The following CCDC146 variants were observed in gnomAD, a reference collection of about 807,000 sequenced individuals.
The protein encoded by CCDC146 is coiled-coil domain-containing protein 146.
Under a neutral mutation model 119.3 loss-of-function variants are expected in CCDC146, and 92 were observed. That is an observed-to-expected ratio of 0.77 (90% confidence interval 0.65 to 0.92). CCDC146 has a LOEUF of 0.92. Ranked by LOEUF, CCDC146 falls within the 40% of genes least tolerant of loss-of-function variation. The pLI is 0.00. For missense variants in CCDC146, 1,000 were observed against 1,103.0 expected (o/e 0.91, Z 1.32); for synonymous variants, 372 against 371.8 (o/e 1.00, Z -0.01).
chr7:77,256,437 A>G lies in CCDC146; in HGVS notation c.612A>G (p.Ala204=), dbSNP rs1793179788. The change falls in exon 6 of 19, where the codon GCA becomes GCG. Residue 204 remains alanine, a synonymous_variant. Coordinates refer to ENST00000285871, the MANE Select transcript of CCDC146 (RefSeq NM_020879.3). The stretch of plus-strand genomic sequence containing the variant: ...TTAAAAATTTACGAGAAGATTTGGC[A>G]TCTAAACAAAAGCAATTATTAAAAG... The part of the protein sequence containing the change: ...LEIKNLREDL[A]SKQKQLLKEQ... 4 of 1,609,708 alleles carry G rather than the reference A, an allele frequency of 2.5e-6. No individual in the cohort carries two copies. Among genetic ancestry groups the G allele is most frequent in the African/African-American group, 1.3e-5 (1 of 74,620 alleles).
At chr7:77,236,242 A>T (rs918317820) in intron 2 of CCDC146, among the ~76,000 whole-genome samples, 2 of 152,220 alleles carry the variant, frequency 1.3e-5, no homozygotes, top group African/African-American at 4.8e-5. Context: ...ATGTTTTATG[A>T]TGTCTGTTAA....
chr7:77,279,888 A>G (rs1281525265), intron 13 of CCDC146, among the ~76,000 whole-genome samples: 1 of 152,234 alleles, frequency 6.6e-6, no homozygotes, highest in Non-Finnish European at 1.5e-5. Context: ...TCTGATGGCC[A>G]TTATTGCCCA....
chr7:77,275,100 C>T (rs920816784), intron 11 of CCDC146, among the ~76,000 whole-genome samples: 19 of 150,616 alleles, frequency 1.3e-4, no homozygotes, highest in Admixed American at 2.0e-4. Flanking sequence ...ACAATTGACC[C>T]TTGAACAACA....
intron 1 of CCDC146, among the ~76,000 whole-genome samples, chr7:77,129,177 CATG>C (rs1410299491): frequency 1.3e-5 from 2 of 152,110 alleles, no homozygotes; most frequent in Non-Finnish European, 2.9e-5. Flanking sequence ...GTTCTGAGAA[CATG>C]ATGAAATCTT....
At chr7:77,207,654 T>G (rs1039003649) in intron 2 of CCDC146, among the ~76,000 whole-genome samples, 1 of 152,182 alleles carries the variant, frequency 6.6e-6, no homozygotes, top group Non-Finnish European at 1.5e-5. Context: ...GTGGTAGTCA[T>G]TGAATATATG....
chr7:77,258,591 G>A (rs1193315763), intron 6 of CCDC146, among the ~76,000 whole-genome samples: 2 of 152,236 alleles, frequency 1.3e-5, no homozygotes, highest in Non-Finnish European at 2.9e-5. Flanking sequence ...TAGGTGAACT[G>A]TAGACTAATA....
chr7:77,262,094 T>TTGTTATCTTCCTCTTCCTTTGTTA, intron 8 of CCDC146, 27 bp from the exon 9 acceptor site: 1 of 1,531,184 alleles, frequency 6.5e-7, no homozygotes, highest in South Asian at 1.3e-5. Context: ...CAAAATCATT[T>TTGTTATCTTCCTCTTCCTTTGTTA]TCTTCTTCTT....
intron 11 of CCDC146, among the ~76,000 whole-genome samples, chr7:77,275,090 A>G (rs1218778864): frequency 1.5e-5 from 2 of 131,852 alleles, no homozygotes; most frequent in African/African-American, 5.7e-5. Flanking sequence ...GAAAAGCTAT[A>G]CAATTGACCC....
Position 77,241,901 on chromosome 7 carries a change from G to GT in CCDC146, c.449+2dup. ...TCCATAATCAGTACAGATTAAATAG[G>GT]TAAGTGCACAGTTCTCTCCGGCACA... On this transcript the variant is annotated splice_donor_variant, in intron 4 of 18. Transcript: ENST00000285871. LOFTEE classifies it high-confidence loss of function. 1 of 1,603,424 alleles carries GT rather than the reference G, an allele frequency of 6.2e-7. No individual in the cohort carries two copies. The highest frequency in any genetic ancestry group is 8.5e-7 in the Non-Finnish European group (1 of 1,170,480).
At chr7:77,279,432 T>C (rs530588390) in intron 13 of CCDC146, among the ~76,000 whole-genome samples, 1 of 152,278 alleles carries the variant, frequency 6.6e-6, no homozygotes, top group African/African-American at 2.4e-5. Context: ...AACATATAAC[T>C]ATGCTTACTA....
intron 4 of CCDC146, among the ~76,000 whole-genome samples, chr7:77,251,487 T>C (rs1428043275): frequency 6.6e-6 from 1 of 152,230 alleles, no homozygotes; most frequent in East Asian, 1.9e-4. Context: ...GGTTGCTCTG[T>C]CTCTTCAGAT....
At chr7:77,171,246 T>C (rs1791416358) in intron 2 of CCDC146, among the ~76,000 whole-genome samples, 1 of 152,190 alleles carries the variant, frequency 6.6e-6, no homozygotes, top group East Asian at 1.9e-4. Flanking sequence ...TTTGTACTAG[T>C]TAAAATAACT....
At chr7:77,149,704 G>T (rs1791078539) in intron 1 of CCDC146, among the ~76,000 whole-genome samples, 3 of 151,700 alleles carry the variant, frequency 2.0e-5, no homozygotes, top group South Asian at 2.1e-4. Context: ...AGCAGAGGTT[G>T]CAGTGAGCCC....
rs539967072 is a variant in CCDC146 at position 77,274,771 on chromosome 7, C to T, written c.1440+119C>T. 8.1e-5 allele frequency: 62 copies of T among 766,566 alleles called. No homozygotes were observed. The South Asian group carries it at 1.2e-3, about 15-fold the overall frequency. The allele number at this position is 766,566 out of a possible 1,614,324, so 47.5% of individuals were successfully genotyped here. On this transcript the variant is annotated intron_variant, in intron 11 of 18. Coordinates refer to ENST00000285871, the MANE Select transcript of CCDC146 (RefSeq NM_020879.3). ...GAAACCATCATTGTCAGCAAACTATCGCAAGGACAAAAAACCAAACATTGC... is the reference window on the plus strand; with the variant it reads ...GAAACCATCATTGTCAGCAAACTATTGCAAGGACAAAAAACCAAACATTGC...
At chr7:77,197,643 T>A (rs1300298932) in intron 2 of CCDC146, among the ~76,000 whole-genome samples, 2 of 152,242 alleles carry the variant, frequency 1.3e-5, no homozygotes, top group African/African-American at 2.4e-5. Context: ...TTATAGCATA[T>A]ATTCCAAATG....
At chr7:77,250,255 C>T (rs2150500317) in intron 4 of CCDC146, among the ~76,000 whole-genome samples, 1 of 152,272 alleles carries the variant, frequency 6.6e-6, no homozygotes, top group East Asian at 1.9e-4. Context: ...TTTTCTTTTA[C>T]CTTCACTGAT....
chr7:77,214,264 G>A (rs1188693518), intron 2 of CCDC146, among the ~76,000 whole-genome samples: 1 of 152,132 alleles, frequency 6.6e-6, no homozygotes, highest in Non-Finnish European at 1.5e-5. Context: ...TTTGGGAAGT[G>A]TCTGTTCATG....
chr7:77,127,593 G>T (rs1219966251), intron 1 of CCDC146, among the ~76,000 whole-genome samples: 1 of 152,100 alleles, frequency 6.6e-6, no homozygotes, highest in Non-Finnish European at 1.5e-5. Flanking sequence ...TGATATTAGG[G>T]TAAAATTAGA....
At chr7:77,156,028 G>A (rs1420867053) in intron 1 of CCDC146, among the ~76,000 whole-genome samples, 1 of 152,098 alleles carries the variant, frequency 6.6e-6, no homozygotes. Context: ...GAAAGCAAGG[G>A]GATGGTGAAA....
Sources: gnomAD v4.1 joint callset for allele counts (sites outside exome capture counted in the v4.1 genomes callset) on GRCh38, gnomAD v4.1.1 for gene constraint, MANE v1.5 for transcripts, NCBI Gene and HGNC (gene_info 2026-07-23, HGNC 2026-07-21) for gene names.